Variants in PTPRG observed in about 807,000 individuals in gnomAD.
PTPRG encodes receptor-type tyrosine-protein phosphatase gamma.
PTPRG carries 102 observed loss-of-function variants against 165.3 expected under a neutral mutation model. The observed-to-expected ratio is 0.62, with a 90% CI of 0.53 to 0.73. The LOEUF (loss-of-function observed/expected upper bound fraction) is 0.73. Ranked by LOEUF, PTPRG falls within the 30% of genes least tolerant of loss-of-function variation. The pLI is 0.00. For synonymous variants in PTPRG, 675 were observed against 669.5 expected (o/e 1.01, Z -0.13); for missense variants, 1,866 against 1,861.4 (o/e 1.00, Z -0.05).
At chr3:61,828,636 G>C (rs1016892454) in intron 2 of PTPRG, among the ~76,000 whole-genome samples, 2 of 152,212 alleles carry the variant, frequency 1.3e-5, no homozygotes, top group African/African-American at 2.4e-5. Flanking sequence ...GTGAACCCAG[G>C]GGAGGAGTGA....
chr3:62,007,689 T>G (rs1156244395), intron 4 of PTPRG, among the ~76,000 whole-genome samples: 1 of 152,238 alleles, frequency 6.6e-6, no homozygotes, highest in Non-Finnish European at 1.5e-5. Flanking sequence ...TAAATATATG[T>G]GCAATTTCAT....
At chr3:62,106,069 A>G (rs543258599) in intron 5 of PTPRG, among the ~76,000 whole-genome samples, 1 of 152,324 alleles carries the variant, frequency 6.6e-6, no homozygotes, top group East Asian at 1.9e-4. Flanking sequence ...TGAAGTTCCT[A>G]AATTTTATTT....
chr3:61,601,552 C>T (rs932132221), intron 1 of PTPRG, among the ~76,000 whole-genome samples: 5 of 152,128 alleles, frequency 3.3e-5, no homozygotes, highest in African/African-American at 1.2e-4. Context: ...AAAACAAAAA[C>T]GATGTTGGAG....
At chr3:61,779,101 C>G (rs1437314551) in intron 2 of PTPRG, among the ~76,000 whole-genome samples, 2 of 152,126 alleles carry the variant, frequency 1.3e-5, no homozygotes, top group African/African-American at 2.4e-5. Flanking sequence ...GGGAAGTTTG[C>G]AAAATTTTAG....
At chr3:61,696,949 T>C (rs1388488791) in intron 1 of PTPRG, among the ~76,000 whole-genome samples, 2 of 152,204 alleles carry the variant, frequency 1.3e-5, no homozygotes, top group Non-Finnish European at 2.9e-5. Flanking sequence ...TCAGTGGGGA[T>C]GATGACAGAG....
At chr3:61,855,731 TC>T (rs2037087714) in intron 2 of PTPRG, among the ~76,000 whole-genome samples, 1 of 151,222 alleles carries the variant, frequency 6.6e-6, no homozygotes, top group Non-Finnish European at 1.5e-5. Context: ...TCTTAGTACT[TC>T]TCATACTCTT....
intron 4 of PTPRG, among the ~76,000 whole-genome samples, chr3:62,059,004 G>T (rs1442197694): frequency 3.9e-5 from 6 of 152,170 alleles, no homozygotes; most frequent in African/African-American, 1.4e-4. Context: ...TGATCATCCA[G>T]TGTCTGGCCT....
At chr3:62,256,912 C>T (rs931407503) in intron 16 of PTPRG, among the ~76,000 whole-genome samples, 2 of 152,174 alleles carry the variant, frequency 1.3e-5, no homozygotes, top group Non-Finnish European at 2.9e-5. Context: ...CATCTGTACC[C>T]TATTTCTGTC....
chr3:61,616,150 C>G (rs1701291800), intron 1 of PTPRG, among the ~76,000 whole-genome samples: 1 of 152,128 alleles, frequency 6.6e-6, no homozygotes, highest in Non-Finnish European at 1.5e-5. Context: ...GGGGGTTTCA[C>G]CATGTTGGCT....
intron 2 of PTPRG, among the ~76,000 whole-genome samples, chr3:61,825,849 C>G (rs768194654): frequency 1.2e-4 from 18 of 152,036 alleles, no homozygotes; most frequent in Non-Finnish European, 2.4e-4. Context: ...TGAGGTTATG[C>G]TATGTTGTCC....
chr3:62,277,908 G>T (rs1310507426), intron 26 of PTPRG, among the ~76,000 whole-genome samples: 1 of 151,944 alleles, frequency 6.6e-6, no homozygotes, highest in East Asian at 1.9e-4. Flanking sequence ...CCCTTCAATT[G>T]TACTGTCTGT....
At chr3:61,609,504 C>G (rs989156542) in intron 1 of PTPRG, among the ~76,000 whole-genome samples, 2 of 152,172 alleles carry the variant, frequency 1.3e-5, no homozygotes, top group Admixed American at 1.3e-4. Flanking sequence ...AGGTGGTTCA[C>G]CAACAACTAC....
At chr3:61,868,205 C>A (rs2037463467) in intron 2 of PTPRG, among the ~76,000 whole-genome samples, 1 of 152,194 alleles carries the variant, frequency 6.6e-6, no homozygotes, top group Non-Finnish European at 1.5e-5. Flanking sequence ...GTCATCCTCA[C>A]AACAGCTCTA....
chr3:61,602,391 A>G (rs958260552), intron 1 of PTPRG, among the ~76,000 whole-genome samples: 2 of 152,172 alleles, frequency 1.3e-5, no homozygotes, highest in African/African-American at 2.4e-5. Context: ...TGAAATCAGC[A>G]TCCTCACGGT....
intron 1 of PTPRG, among the ~76,000 whole-genome samples, chr3:61,590,867 C>T (rs773602920): frequency 6.6e-6 from 1 of 151,950 alleles, no homozygotes; most frequent in Non-Finnish European, 1.5e-5. Flanking sequence ...GCCTGTAATC[C>T]CAGCACTTTG....
intron 3 of PTPRG, among the ~76,000 whole-genome samples, chr3:61,999,312 G>T (rs978437125): frequency 6.6e-6 from 1 of 152,060 alleles, no homozygotes; most frequent in Non-Finnish European, 1.5e-5. Flanking sequence ...CTCCCAAAGC[G>T]CTGGGGTTAT....
chr3:61,932,517 C>A (rs909192882), intron 2 of PTPRG, among the ~76,000 whole-genome samples: 1 of 152,158 alleles, frequency 6.6e-6, no homozygotes, highest in African/African-American at 2.4e-5. Context: ...ATATAAAAAC[C>A]TCTAATACGG....
chr3:61,895,867 A>G lies in PTPRG; in HGVS notation c.191-93758A>G, dbSNP rs1459959932. On this transcript the variant is annotated intron_variant, in intron 2 of 29. Coordinates refer to ENST00000474889, the MANE Select transcript of PTPRG (RefSeq NM_002841.4). ...TTCTGGCTATCAACCTGCACTTTTT[A>G]AATTTAAATTTTTATTCAGATTGTA... Among the ~76,000 whole-genome samples, 2 of 152,182 alleles carry G rather than the reference A, an allele frequency of 1.3e-5. 1 individual carries two copies. The highest frequency in any genetic ancestry group is 4.8e-5 in the African/African-American group (2 of 41,444).
intron 2 of PTPRG, among the ~76,000 whole-genome samples, chr3:61,891,321 A>G (rs1334779294): frequency 6.6e-6 from 1 of 152,118 alleles, no homozygotes; most frequent in Non-Finnish European, 1.5e-5. Flanking sequence ...ACAAATAAAA[A>G]TAAACTTAAT....
Sources: gnomAD v4.1 joint callset for allele counts (sites outside exome capture counted in the v4.1 genomes callset) on GRCh38, gnomAD v4.1.1 for gene constraint, MANE v1.5 for transcripts, NCBI Gene and HGNC (gene_info 2026-07-23, HGNC 2026-07-21) for gene names.